Variants in AXIN2 observed in about 807,000 individuals in gnomAD.
AXIN2 encodes the protein axin 2, also known as axin-2.
In AXIN2, 21 loss-of-function variants were observed where a neutral mutation model predicts 74.7. The observed-to-expected ratio is 0.28, with a 90% CI of 0.20 to 0.40. AXIN2 has a LOEUF of 0.40. Ranked by LOEUF, AXIN2 falls within the 10% of genes least tolerant of loss-of-function variation. The pLI is 1.00. For missense variants in AXIN2, 1,144 were observed against 1,111.1 expected, an observed-to-expected ratio of 1.03 and a Z score of -0.42; for synonymous variants, 532 against 454.9, an observed-to-expected ratio of 1.17 and a Z score of -2.16.
chr17:65,548,576 G>A (rs1038833137), intron 3 of AXIN2, among the ~76,000 whole-genome samples: 5 of 152,094 alleles, frequency 3.3e-5, no homozygotes, highest in East Asian at 1.9e-4. Flanking sequence ...AATCTCAACC[G>A]GGTGTTGGGT....
rs778840560 is a variant in AXIN2 at position 65,536,861 on chromosome 17, G to T, written c.1907+8C>A. ...CTCGCGGCCGCGGCGGCGGCAAGCG[G>T]TGTTTACCTATGGGGCTTGGGCTTG... On this transcript the variant is annotated splice_region_variant and intron_variant, in intron 7 of 10. Transcript: ENST00000307078. 6.2e-7 allele frequency: 1 copy of T among 1,612,996 alleles called. No homozygotes were observed. The highest frequency in any genetic ancestry group is 8.5e-7 in the Non-Finnish European group (1 of 1,179,906).
chr17:65,559,957 G>T (rs1357110536), intron 1 of AXIN2: 1 of 152,164 alleles, frequency 6.6e-6, no homozygotes. Context: ...CCGTTACCTG[G>T]AAGACGAAGG....
At chr17:65,538,488 C>T in intron 4 of AXIN2, 145 bp from the exon 5 acceptor site, 1 of 1,098,124 alleles carries the variant, frequency 9.1e-7, no homozygotes, top group East Asian at 2.6e-5. Flanking sequence ...CTGGGCTGCT[C>T]GGGACTTTTA....
rs140344858 is a variant in AXIN2, at chr17:65,530,080, C to T, written c.2428G>A (p.Asp810Asn). The T allele has an allele frequency of 2.5e-4, 411 of 1,614,174 alleles. 3 individuals are homozygous for T. The African/African-American group carries it at 4.6e-3, about 18-fold the overall frequency. Reference protein sequence around the residue: ...NYRYYFKKASDEFACGAVFEE... With the variant: ...NYRYYFKKASNEFACGAVFEE... Reference sequence around the variant, plus strand: ...AACACCGCTCCACAGGCAAACTCATCGCTTGCTTTTTTGAAGTAATACCTT... The same window carrying T: ...AACACCGCTCCACAGGCAAACTCATTGCTTGCTTTTTTGAAGTAATACCTT... The change falls in exon 11 of 11, where the codon GAT becomes AAT. Residue 810 changes from aspartate (D) to asparagine (N), a missense_variant. Transcript: ENST00000307078.
intron 2 of AXIN2, among the ~76,000 whole-genome samples, chr17:65,557,054 A>C (rs1042789324): frequency 6.6e-6 from 1 of 152,196 alleles, no homozygotes; most frequent in African/African-American, 2.4e-5. Context: ...CCTCAAAGAG[A>C]AAGTACTCCA....
intron 8 of AXIN2, among the ~76,000 whole-genome samples, chr17:65,535,996 C>T (rs923138911): frequency 6.6e-6 from 1 of 152,168 alleles, no homozygotes; most frequent in Non-Finnish European, 1.5e-5. Context: ...CTCACAGCTT[C>T]TTATATACTC....
chr17:65,548,960 T>C (rs904143353), intron 3 of AXIN2, among the ~76,000 whole-genome samples: 4 of 152,190 alleles, frequency 2.6e-5, no homozygotes, highest in African/African-American at 9.7e-5. Context: ...CCACCCACAC[T>C]TACTGAATAA....
rs1359477325 is a variant in AXIN2, at chr17:65,537,654, C to T, written c.1382G>A (p.Ser461Asn). 1 of 1,566,958 alleles carries T rather than the reference C, an allele frequency of 6.4e-7. No homozygotes were observed. Among genetic ancestry groups the T allele is most frequent in the Non-Finnish European group, 8.6e-7 (1 of 1,158,332 alleles). Reference protein sequence around the residue: ...GCQSPGVGRYSPRSRSPDHHH... With the variant: ...GCQSPGVGRYNPRSRSPDHHH... ...GTGGTCCGGGGAGCGGGAGCGGGGG[C>T]TATAGCGGCCTACGCCTGGAGACTG... The change falls in exon 6 of 11, where the codon AGC becomes AAC. Residue 461 changes from serine to asparagine, a missense_variant. Ser to Asn is a conservative substitution (Grantham distance 46, BLOSUM62 1). Coordinates refer to ENST00000307078, the MANE Select transcript of AXIN2 (RefSeq NM_004655.4).
intron 2 of AXIN2, among the ~76,000 whole-genome samples, chr17:65,556,724 G>A (rs2044272222): frequency 6.6e-6 from 1 of 152,082 alleles, no homozygotes; most frequent in South Asian, 2.1e-4. Context: ...TCCTGCTGCT[G>A]GGCACTAGAG....
chr17:65,542,282 C>G (rs1378928140), intron 3 of AXIN2, among the ~76,000 whole-genome samples: 1 of 152,174 alleles, frequency 6.6e-6, no homozygotes, highest in Admixed American at 6.5e-5. Context: ...AAGATTAGCA[C>G]CTACTATGTG....
chr17:65,542,160 C>T (rs1192503981), intron 3 of AXIN2, among the ~76,000 whole-genome samples: 1 of 152,222 alleles, frequency 6.6e-6, no homozygotes, highest in Non-Finnish European at 1.5e-5. Flanking sequence ...TAGGCCCCTT[C>T]TCTCAGCTCC....
At chr17:65,535,556 T>G in intron 9 of AXIN2, 70 bp downstream of exon 9, 1 of 1,472,350 alleles carries the variant, frequency 6.8e-7, no homozygotes, top group South Asian at 1.1e-5. Context: ...AAAATGAAAC[T>G]CCAGATAGCG....
chr17:65,547,791 G>A (rs2044137371), intron 3 of AXIN2, among the ~76,000 whole-genome samples: 1 of 152,146 alleles, frequency 6.6e-6, no homozygotes, highest in South Asian at 2.1e-4. Flanking sequence ...ATGCTTGCTA[G>A]AAGCAAGCAC....
chr17:65,556,779 C>T (rs1316405580), intron 2 of AXIN2, among the ~76,000 whole-genome samples: 1 of 152,150 alleles, frequency 6.6e-6, no homozygotes, highest in Non-Finnish European at 1.5e-5. Context: ...AGCTATCAGA[C>T]CGCATCCTGG....
At chr17:65,557,047 C>T (rs530642438) in intron 2 of AXIN2, among the ~76,000 whole-genome samples, 1 of 152,300 alleles carries the variant, frequency 6.6e-6, no homozygotes, top group South Asian at 2.1e-4. Flanking sequence ...TTTGAAGCCT[C>T]AAAGAGAAAG....
Position 65,537,726 on chromosome 17 carries a change from G to A in AXIN2, c.1310C>T (p.Thr437Met), listed in dbSNP as rs2043959278. The change falls in exon 6 of 11, where the codon ACG becomes ATG. Residue 437 changes from threonine (T) to methionine (M), a missense_variant. By Grantham distance (81) the Thr-to-Met change is moderately conservative. Coordinates refer to ENST00000307078, the MANE Select transcript of AXIN2 (RefSeq NM_004655.4). ...CCTGGACAGGTGATCGTCCAGTATCGTCTGCGGGTCTTCCTCGTAGCTGCC... is the reference window on the plus strand; with the variant it reads ...CCTGGACAGGTGATCGTCCAGTATCATCTGCGGGTCTTCCTCGTAGCTGCC... ...PSGSYEEDPQ[T>M]ILDDHLSRVL... The A allele has an allele frequency of 1.3e-6, 2 of 1,562,224 alleles. No individual in the cohort carries two copies. Among genetic ancestry groups the A allele is most frequent in the East Asian group, 4.8e-5 (2 of 41,970 alleles).
chr17:65,531,973 T>C (rs1025930204), intron 10 of AXIN2, among the ~76,000 whole-genome samples: 7 of 151,870 alleles, frequency 4.6e-5, no homozygotes, highest in Non-Finnish European at 7.4e-5. Context: ...AATTGAGATG[T>C]TGAAGCACCA....
chr17:65,537,061 C>A lies in AXIN2; in HGVS notation c.1715G>T (p.Gly572Val). Residue 572 changes from glycine to valine, a missense_variant and splice_region_variant, in exon 7 of 11, where the codon GGC (glycine) becomes GTC (valine). By Grantham distance (109) the Gly-to-Val change is moderately radical. Around this residue, in one of 4 missense-constraint regions of AXIN2, gnomAD observed 1,053 missense variants for 973.5 expected, o/e 1.08. Coordinates refer to ENST00000307078, the MANE Select transcript of AXIN2 (RefSeq NM_004655.4). Reference sequence around the variant, plus strand: ...TTTGGGCAAGGTACTGCCTCTGCTGCCGCTGTGGGGAACCAAGAACCACAC... The same window carrying A: ...TTTGGGCAAGGTACTGCCTCTGCTGACGCTGTGGGGAACCAAGAACCACAC... ...PETMPSEQFG[G>V]SRGSTLPKRN... The A allele has an allele frequency of 1.2e-6, 2 of 1,603,350 alleles. No homozygotes were observed.
At chr17:65,549,802 G>A in intron 2 of AXIN2, 142 bp from the exon 3 acceptor site, 1 of 1,131,300 alleles carries the variant, frequency 8.8e-7, no homozygotes. Flanking sequence ...GCTCACCTGG[G>A]CAGAAAGCAG....
Sources: gnomAD v4.1 joint callset for allele counts (sites outside exome capture counted in the v4.1 genomes callset) on GRCh38, gnomAD v4.1.1 for gene constraint, gnomAD v4.1.1 regional missense constraint, MANE v1.5 for transcripts, NCBI Gene and HGNC (gene_info 2026-07-23, HGNC 2026-07-21) for gene names.